Variants in PTCH1 observed in about 807,000 individuals in gnomAD.
PTCH1 encodes the protein protein patched homolog 1.
PTCH1 carries 14 observed loss-of-function variants against 144.6 expected under a neutral mutation model. The observed-to-expected ratio is 0.10, with a 90% CI of 0.06 to 0.15. PTCH1 has a LOEUF of 0.15. Ranked by LOEUF, PTCH1 falls within the 10% of genes least tolerant of loss-of-function variation. The pLI is 1.00. For missense variants in PTCH1, 1,623 were observed against 1,948.3 expected, an observed-to-expected ratio of 0.83 and a Z score of 3.14; for synonymous variants, 833 against 793.6, an observed-to-expected ratio of 1.05 and a Z score of -0.83.
intron 12 of PTCH1, chr9:95,474,209 A>C: frequency 2.9e-6 from 1 of 342,312 alleles, no homozygotes; most frequent in Non-Finnish European, 5.9e-6. Context: ...AGATACAGAA[A>C]GACAGTGAGC....
intron 1 of PTCH1, 183 bp from the exon 2 acceptor site, chr9:95,506,782 A>C: frequency 9.2e-7 from 1 of 1,082,990 alleles, no homozygotes; most frequent in East Asian, 3.5e-5. Flanking sequence ...GGGCTCGGTC[A>C]TAAAGCCGGG....
upstream of PTCH1, among the ~76,000 whole-genome samples, chr9:95,509,588 C>T (rs1269820220): frequency 6.6e-6 from 1 of 152,218 alleles, no homozygotes; most frequent in Admixed American, 6.5e-5. Flanking sequence ...TTGTGGGATG[C>T]CTTTGCGCGC....
Position 95,449,413 on chromosome 9 carries a change from C to T in PTCH1, c.3550-90G>A. On this transcript the variant is annotated intron_variant, in intron 21 of 23. Transcript: ENST00000331920. This position sits in a 1 kb window ranked among gnomAD's most constrained non-coding sequence, Gnocchi z 5.3. Reference sequence around the variant, plus strand: ...TCAAAGCACGGTATTTTTCAGGGGCCTCTGTTCCCTGCCCTGGGGCCCTGC... The same window carrying T: ...TCAAAGCACGGTATTTTTCAGGGGCTTCTGTTCCCTGCCCTGGGGCCCTGC... The T allele has an allele frequency of 1.3e-6, 2 of 1,513,726 alleles. No individual in the cohort carries two copies. The highest frequency in any genetic ancestry group is 1.4e-5 in the African/African-American group (1 of 72,606). The allele number at this position is 1,513,726 out of a possible 1,614,324, so 93.8% of individuals were successfully genotyped here.
chr9:95,505,695 C>A (rs1479077311), intron 2 of PTCH1, among the ~76,000 whole-genome samples: 1 of 151,986 alleles, frequency 6.6e-6, no homozygotes, highest in Non-Finnish European at 1.5e-5. Context: ...AGCCCCCACC[C>A]GCGAGGAAAC....
At chr9:95,491,728 C>A (rs1003145318) in intron 2 of PTCH1, among the ~76,000 whole-genome samples, 6 of 152,194 alleles carry the variant, frequency 3.9e-5, no homozygotes, top group Non-Finnish European at 7.3e-5. Flanking sequence ...ACAGAGCACA[C>A]TAGACAGGTT....
At position 95,508,826 on chromosome 9, in the gene PTCH1, C is replaced by G; in HGVS notation, c.-465G>C. The G allele has an allele frequency of 2.2e-5, 22 of 983,706 alleles. No homozygotes were observed. The highest frequency in any genetic ancestry group is 2.7e-5 in the Non-Finnish European group (22 of 829,426). 60.9% of individuals were successfully genotyped at this position (983,706 alleles called of 1,614,324 possible). On this transcript the variant is annotated 5_prime_UTR_variant, in exon 1 of 24. Transcript: ENST00000331920. ...CCGCTGCTCCCGCCGGCCGCGCTGG[C>G]TCTCTCGGCGCCTCCCGGGTCGCCC...
intron 1 of PTCH1, among the ~76,000 whole-genome samples, chr9:95,515,214 A>G (rs550737190): frequency 2.0e-5 from 3 of 152,344 alleles, no homozygotes; most frequent in East Asian, 1.9e-4. Context: ...ATAAAAACCT[A>G]AAAGAAATGC....
chr9:95,479,024 C>T lies in PTCH1; in HGVS notation c.1191G>A (p.Glu397=). The change falls in exon 8 of 24, where the codon GAG becomes GAA. Residue 397 remains glutamate (E), a synonymous_variant. Transcript: ENST00000331920. ...CCTCCACATATGTCCTCTGCCAGGC[C>T]TCCAGGATGGCTGCCGCTTTGTCCT... ...WNEDKAAAIL[E]AWQRTYVEVV... is the part of the protein sequence containing the mutation. 2 of 1,614,244 alleles carry T rather than the reference C, an allele frequency of 1.2e-6. No individual in the cohort carries two copies. Among genetic ancestry groups the T allele is most frequent in the Non-Finnish European group, 1.7e-6 (2 of 1,180,050 alleles).
At position 95,469,186 on chromosome 9, in the gene PTCH1, G is replaced by A. The variant is rs199780196; in HGVS notation, c.1848-33C>T. 14 of 1,613,234 alleles carry A rather than the reference G, an allele frequency of 8.7e-6. No individual in the cohort carries two copies. In the Admixed American group the frequency reaches 2.2e-4, roughly 25 times the overall value. ...GAGGGGAAACATGTTGCAATGTTAT[G>A]CTGAAACAGGGAAATGGTGCTTTCA... On this transcript the variant is annotated intron_variant, in intron 13 of 23. Transcript: ENST00000331920.
At position 95,508,475 on chromosome 9, in the gene PTCH1, C is replaced by T; in HGVS notation, c.-114G>A. 9.8e-7 allele frequency: 1 copy of T among 1,021,974 alleles called. No homozygotes were observed. Among genetic ancestry groups the T allele is most frequent in the Non-Finnish European group, 1.2e-6 (1 of 854,072 alleles). 63.3% of individuals were successfully genotyped at this position (1,021,974 alleles called of 1,614,324 possible). Reference sequence around the variant, plus strand: ...CCTGGGCGCTCGGCTTGCGAGGACGCTGCTGGCCGCAGGCTGCTCGGGCTC... The same window carrying T: ...CCTGGGCGCTCGGCTTGCGAGGACGTTGCTGGCCGCAGGCTGCTCGGGCTC... On this transcript the variant is annotated 5_prime_UTR_variant, in exon 1 of 24. Coordinates refer to ENST00000331920, the MANE Select transcript of PTCH1 (RefSeq NM_000264.5).
intron 7 of PTCH1, 36 bp from the exon 8 acceptor site, chr9:95,479,183 ATT>A: frequency 2.5e-6 from 4 of 1,613,820 alleles, no homozygotes; most frequent in Non-Finnish European, 3.4e-6. Flanking sequence ...CATCATCAGT[ATT>A]CCCAGGAAGC....
intron 2 of PTCH1, among the ~76,000 whole-genome samples, chr9:95,488,431 C>T (rs1474851065): frequency 1.3e-5 from 2 of 152,178 alleles, no homozygotes; most frequent in African/African-American, 2.4e-5. Flanking sequence ...GCCATATATA[C>T]TATTAAATGC....
At chr9:95,494,519 C>A (rs894413315) in intron 2 of PTCH1, 2 of 912,224 alleles carry the variant, frequency 2.2e-6, no homozygotes, top group South Asian at 1.0e-4. Flanking sequence ...TCCGGAACAG[C>A]GTACTTTCCA....
intron 2 of PTCH1, among the ~76,000 whole-genome samples, chr9:95,489,464 C>T (rs1019700452): frequency 6.6e-6 from 1 of 151,886 alleles, no homozygotes; most frequent in Non-Finnish European, 1.5e-5. Flanking sequence ...TCCTCCTCCC[C>T]TAATACCCCA....
chr9:95,496,502 A>T (rs936100339), intron 2 of PTCH1, among the ~76,000 whole-genome samples: 2 of 151,156 alleles, frequency 1.3e-5, no homozygotes, highest in African/African-American at 4.9e-5. Flanking sequence ...AGGGAGAGAG[A>T]TTTCTTTTGG....
intron 12 of PTCH1, among the ~76,000 whole-genome samples, chr9:95,473,836 G>A (rs560784540): frequency 7.4e-4 from 113 of 152,226 alleles, no homozygotes; most frequent in Middle Eastern, 3.4e-3. Context: ...GCCACCGTGC[G>A]AAGCACTCCT....
chr9:95,449,996 C>A lies in PTCH1; in HGVS notation c.3450-56G>T. Reference sequence around the variant, plus strand: ...GCTGTGACAGGGTGGATCGCGCCACCCTCCGTGTGCCCGACACAGCAGCAT... The same window carrying A: ...GCTGTGACAGGGTGGATCGCGCCACACTCCGTGTGCCCGACACAGCAGCAT... On this transcript the variant is annotated intron_variant, in intron 20 of 23. Transcript: ENST00000331920. The surrounding 1 kb of genome is among the most constrained non-coding windows in gnomAD (Gnocchi z 5.3). The A allele has an allele frequency of 2.7e-6, 4 of 1,476,336 alleles. No individual in the cohort carries two copies. The highest frequency in any genetic ancestry group is 3.8e-6 in the Non-Finnish European group (4 of 1,059,590). 91.5% of individuals were successfully genotyped at this position (1,476,336 alleles called of 1,614,324 possible).
At chr9:95,497,711 A>C (rs1335004953) in intron 2 of PTCH1, among the ~76,000 whole-genome samples, 1 of 152,146 alleles carries the variant, frequency 6.6e-6, no homozygotes, top group Non-Finnish European at 1.5e-5. Flanking sequence ...TTATAAACTT[A>C]TCTGACCCAA....
intron 12 of PTCH1, among the ~76,000 whole-genome samples, chr9:95,473,506 T>C (rs1840759117): frequency 6.6e-6 from 1 of 152,012 alleles, no homozygotes; most frequent in Non-Finnish European, 1.5e-5. Flanking sequence ...GCAAAAATCA[T>C]TGCACACTCT....
Sources: allele counts gnomAD v4.1 joint callset (sites outside exome capture counted in the v4.1 genomes callset), GRCh38; gene constraint gnomAD v4.1.1; non-coding constraint Gnocchi (gnomAD v3.1); transcripts MANE v1.5; gene names NCBI Gene and HGNC (gene_info 2026-07-23, HGNC 2026-07-21).